Variants in ADCY2 observed in about 807,000 individuals in gnomAD.
ADCY2 encodes adenylate cyclase type 2.
In ADCY2, 31 loss-of-function variants were observed where a neutral mutation model predicts 125.2. The ratio of observed to expected loss-of-function variants is 0.25; its 90% CI spans 0.19 to 0.33. ADCY2 has a LOEUF of 0.33. Ranked by LOEUF, ADCY2 falls within the 10% of genes least tolerant of loss-of-function variation. The pLI is 1.00. For missense variants in ADCY2, 904 were observed against 1,418.2 expected (o/e 0.64, Z 5.82); for synonymous variants, 512 against 548.4 (o/e 0.93, Z 0.93).
chr5:7,804,040 AAGAGAGAGAG>A lies in ADCY2; in HGVS notation c.2776-520_2776-511del, dbSNP rs57193249. ...TCTTAGGCCTCCCATGGAGGGGGGA[AAGAGAGAGAG>A]AGAGAGAGAGAGAGAGAGAGAGAGC... On this transcript the variant is annotated intron_variant, in intron 21 of 24. Transcript: ENST00000338316. Among the ~76,000 whole-genome samples, 423 of 106,614 alleles carry A rather than the reference AAGAGAGAGAG, an allele frequency of 4.0e-3. 7 individuals carry two copies. Among genetic ancestry groups the A allele is most frequent in the African/African-American group, 0.015 (395 of 26,994 alleles). The allele number at this position is 106,614 out of a possible 152,430, so 69.9% of individuals were successfully genotyped here.
At chr5:7,623,838 A>T (rs1488590870) in intron 3 of ADCY2, among the ~76,000 whole-genome samples, 2 of 152,198 alleles carry the variant, frequency 1.3e-5, no homozygotes, top group Non-Finnish European at 2.9e-5. Context: ...CACAGATTAC[A>T]CACAAGTTAT....
intron 13 of ADCY2, among the ~76,000 whole-genome samples, 176 bp from the exon 14 acceptor site, chr5:7,726,988 G>A (rs1416147648): frequency 6.6e-6 from 1 of 152,152 alleles, no homozygotes. Context: ...CAGTTCATGT[G>A]GGGGAAGGAA....
intron 4 of ADCY2, among the ~76,000 whole-genome samples, chr5:7,634,284 CT>C (rs1476162405): frequency 1.3e-5 from 2 of 152,200 alleles, no homozygotes; most frequent in Non-Finnish European, 2.9e-5. Context: ...CCATTTATAT[CT>C]GTAACAAATT....
intron 3 of ADCY2, among the ~76,000 whole-genome samples, chr5:7,609,585 C>T (rs927334416): frequency 6.6e-6 from 1 of 152,088 alleles, no homozygotes; most frequent in Non-Finnish European, 1.5e-5. Context: ...ATATGGATTA[C>T]CCAATCTATA....
At chr5:7,483,782 A>G (rs766183120) in intron 2 of ADCY2, among the ~76,000 whole-genome samples, 1 of 152,074 alleles carries the variant, frequency 6.6e-6, no homozygotes, top group Non-Finnish European at 1.5e-5. Context: ...ATGGCCTCCT[A>G]TTTCATCTTT....
chr5:7,455,586 A>G (rs995727080), intron 2 of ADCY2, among the ~76,000 whole-genome samples: 3 of 149,448 alleles, frequency 2.0e-5, no homozygotes, highest in African/African-American at 7.3e-5. Context: ...TAACATAAAA[A>G]TGTACATATT....
intron 15 of ADCY2, among the ~76,000 whole-genome samples, chr5:7,747,740 C>T (rs182015716): frequency 3.3e-5 from 5 of 152,300 alleles, no homozygotes; most frequent in East Asian, 1.9e-4. Flanking sequence ...GCTGGCTGGC[C>T]GGGATTCCCA....
intron 3 of ADCY2, among the ~76,000 whole-genome samples, chr5:7,564,499 G>A (rs928148296): frequency 1.3e-5 from 2 of 152,122 alleles, no homozygotes; most frequent in African/African-American, 4.8e-5. Flanking sequence ...GAGGCATGGA[G>A]AGGGTGACTG....
chr5:7,455,110 G>A (rs1230769223), intron 2 of ADCY2, among the ~76,000 whole-genome samples: 1 of 151,982 alleles, frequency 6.6e-6, no homozygotes, highest in Non-Finnish European at 1.5e-5. Context: ...TTCTTTTCTC[G>A]CTGCACAAAC....
intron 4 of ADCY2, among the ~76,000 whole-genome samples, chr5:7,632,929 T>C (rs1303655184): frequency 6.6e-6 from 1 of 152,156 alleles, no homozygotes; most frequent in Non-Finnish European, 1.5e-5. Context: ...TTTGCGAAGA[T>C]TGCAATGAAG....
In ADCY2 at chr5:7,772,998, C is replaced by T; in HGVS notation, c.2281C>T (p.Leu761=). ...CGTGTTCCTGCGGGTAAACTATGAGCTGAAGATGTTGATCATGATGGTGGC... is the reference window on the plus strand; with the variant it reads ...CGTGTTCCTGCGGGTAAACTATGAGTTGAAGATGTTGATCATGATGGTGGC... ...CSVFLRVNYE[L]KMLIMMVALV... is the part of the protein sequence containing the mutation. Residue 761 remains leucine (L), a synonymous_variant, in exon 18 of 25, where the codon CTG becomes TTG. Coordinates refer to ENST00000338316, the MANE Select transcript of ADCY2 (RefSeq NM_020546.3). 4 of 1,614,166 alleles carry T rather than the reference C, an allele frequency of 2.5e-6. No individual in the cohort carries two copies. Among genetic ancestry groups the T allele is most frequent in the Non-Finnish European group, 3.4e-6 (4 of 1,180,030 alleles).
At chr5:7,774,875 G>A (rs1179830214) in intron 18 of ADCY2, among the ~76,000 whole-genome samples, 1 of 152,072 alleles carries the variant, frequency 6.6e-6, no homozygotes, top group Middle Eastern at 3.2e-3. Context: ...TACATAATAG[G>A]TATACATATT....
At chr5:7,413,918 G>A (rs1207834564) in intron 1 of ADCY2, among the ~76,000 whole-genome samples, 1 of 152,070 alleles carries the variant, frequency 6.6e-6, no homozygotes, top group African/African-American at 2.4e-5. Flanking sequence ...AATAATAAAT[G>A]CCCATTTTCT....
intron 4 of ADCY2, among the ~76,000 whole-genome samples, chr5:7,629,283 G>A (rs1177310777): frequency 6.6e-6 from 1 of 152,264 alleles, no homozygotes; most frequent in East Asian, 1.9e-4. Context: ...GGATACAGTG[G>A]CGGGTTAGCC....
In ADCY2 at chr5:7,689,438, A is replaced by C. The variant is rs1364977004; in HGVS notation, c.721-1253A>C. On this transcript the variant is annotated intron_variant, in intron 4 of 24. Transcript: ENST00000338316. ...CAAATGATCAATGCTCAGTTATGCC[A>C]GTACATGGAGAAACTAGCTTCTATA... Among the ~76,000 whole-genome samples, 3 of 152,252 alleles carry C rather than the reference A, an allele frequency of 2.0e-5. No homozygotes were observed. The East Asian group carries it at 5.8e-4, about 29-fold the overall frequency.
chr5:7,428,912 C>A (rs1740487549), intron 2 of ADCY2, among the ~76,000 whole-genome samples: 1 of 152,074 alleles, frequency 6.6e-6, no homozygotes, highest in East Asian at 1.9e-4. Context: ...AAACAGAGCC[C>A]AGCTAATTGC....
At chr5:7,683,747 A>G (rs1346420903) in intron 4 of ADCY2, among the ~76,000 whole-genome samples, 1 of 152,180 alleles carries the variant, frequency 6.6e-6, no homozygotes, top group Non-Finnish European at 1.5e-5. Flanking sequence ...TGCATCATGT[A>G]TCTGTCATCT....
chr5:7,422,647 T>G (rs1049788886), intron 2 of ADCY2, among the ~76,000 whole-genome samples: 1 of 152,208 alleles, frequency 6.6e-6, no homozygotes, highest in Non-Finnish European at 1.5e-5. Context: ...TGAAGTTATT[T>G]TACAGATTTG....
chr5:7,636,039 A>G (rs1426679301), intron 4 of ADCY2, among the ~76,000 whole-genome samples: 1 of 152,198 alleles, frequency 6.6e-6, no homozygotes, highest in South Asian at 2.1e-4. Context: ...ATCCTGGCAC[A>G]TGCCCTTGTG....
Sources: gnomAD v4.1 joint callset for allele counts (sites outside exome capture counted in the v4.1 genomes callset) on GRCh38, gnomAD v4.1.1 for gene constraint, MANE v1.5 for transcripts, NCBI Gene and HGNC (gene_info 2026-07-23, HGNC 2026-07-21) for gene names.